The following DOCK3 variants were observed in gnomAD, a reference collection of about 807,000 sequenced individuals.
The protein encoded by DOCK3 is dedicator of cytokinesis protein 3.
A neutral mutation model predicts 265.6 loss-of-function variants in DOCK3; 60 were observed. That is an observed-to-expected ratio of 0.23 (90% CI 0.18 to 0.28). The LOEUF is 0.28. Among genes scored for constraint, DOCK3 ranks in the 10% least tolerant of loss-of-function variants. The pLI is 1.00. For synonymous variants in DOCK3, 881 were observed against 938.0 expected (o/e 0.94, Z 1.11); for missense variants, 1,981 against 2,594.3 (o/e 0.76, Z 5.14).
chr3:51,029,509 A>T (rs1196093707), intron 5 of DOCK3, among the ~76,000 whole-genome samples: 1 of 152,194 alleles, frequency 6.6e-6, no homozygotes, highest in Non-Finnish European at 1.5e-5. Context: ...GCAACAGTGC[A>T]CTGGGGAGGG....
intron 46 of DOCK3, among the ~76,000 whole-genome samples, chr3:51,358,358 A>G (rs1350818348): frequency 6.6e-6 from 1 of 152,188 alleles, no homozygotes; most frequent in Non-Finnish European, 1.5e-5. Context: ...ACAGGTTTTC[A>G]TATGTGAAGG....
At chr3:51,075,088 A>G (rs962430701) in intron 6 of DOCK3, among the ~76,000 whole-genome samples, 1 of 152,210 alleles carries the variant, frequency 6.6e-6, no homozygotes, top group Admixed American at 6.5e-5. Context: ...AATGAACTCA[A>G]GCATGCTGAT....
chr3:51,224,156 G>T (rs1232275096), intron 14 of DOCK3, among the ~76,000 whole-genome samples: 1 of 152,190 alleles, frequency 6.6e-6, no homozygotes. Context: ...AAAGAAGATG[G>T]CTTTCACACA....
chr3:50,854,369 T>A (rs1486243290), intron 3 of DOCK3, among the ~76,000 whole-genome samples: 2 of 151,846 alleles, frequency 1.3e-5, no homozygotes, highest in African/African-American at 4.8e-5. Context: ...GTTATTATAA[T>A]TACTCGCCTA....
intron 5 of DOCK3, among the ~76,000 whole-genome samples, chr3:50,971,452 T>C (rs1206008809): frequency 1.3e-5 from 2 of 152,118 alleles, no homozygotes; most frequent in Non-Finnish European, 2.9e-5. Flanking sequence ...AGACAACCTT[T>C]GTGGGGTGGT....
At chr3:50,848,790 C>T (rs1264529470) in intron 3 of DOCK3, among the ~76,000 whole-genome samples, 1 of 152,128 alleles carries the variant, frequency 6.6e-6, no homozygotes, top group East Asian at 1.9e-4. Flanking sequence ...TTTTGTATAG[C>T]ACCTCACAGG....
intron 2 of DOCK3, among the ~76,000 whole-genome samples, chr3:50,804,415 C>G (rs1022624758): frequency 1.3e-5 from 2 of 152,050 alleles, no homozygotes; most frequent in African/African-American, 4.8e-5. Context: ...TGTAGCGAGC[C>G]GAGATCACGT....
intron 4 of DOCK3, among the ~76,000 whole-genome samples, chr3:50,892,691 G>A (rs983281492): frequency 7.9e-5 from 12 of 152,224 alleles, no homozygotes; most frequent in African/African-American, 2.9e-4. Context: ...AAGAAAAGGA[G>A]TGAGAGGCTC....
At chr3:51,100,974 T>C (rs937317867) in intron 9 of DOCK3, among the ~76,000 whole-genome samples, 1 of 148,934 alleles carries the variant, frequency 6.7e-6, no homozygotes, top group Non-Finnish European at 1.5e-5. Context: ...AAAAAAAAAT[T>C]TTTTTTTTTT....
At chr3:51,239,426 T>C (rs1381188799) in intron 21 of DOCK3, among the ~76,000 whole-genome samples, 1 of 151,914 alleles carries the variant, frequency 6.6e-6, no homozygotes, top group Non-Finnish European at 1.5e-5. Flanking sequence ...GCCAGGCTGG[T>C]CTCCATCTCC....
rs2086613415 is a variant in DOCK3 at position 51,359,955 on chromosome 3, C to G, written c.4885-556C>G. Among the ~76,000 whole-genome samples the G allele has an allele frequency of 6.6e-6, 1 of 152,226 alleles. No individual in the cohort carries two copies. The highest frequency in any genetic ancestry group is 2.4e-5 in the African/African-American group (1 of 41,464). On this transcript the variant is annotated intron_variant, in intron 46 of 52. Transcript: ENST00000266037. This position sits in a 1 kb window ranked among gnomAD's most constrained non-coding sequence, Gnocchi z 4.8. ...TCAGAAGTGTCTGCCCAGAAATCTA[C>G]ATACTTAATATGAATTAATTAAGCT...
At chr3:51,039,027 G>A (rs1023161439) in intron 5 of DOCK3, among the ~76,000 whole-genome samples, 1 of 151,648 alleles carries the variant, frequency 6.6e-6, no homozygotes, top group Non-Finnish European at 1.5e-5. Flanking sequence ...ATGGAGTCTC[G>A]CTCTGTTTCC....
intron 2 of DOCK3, among the ~76,000 whole-genome samples, chr3:50,780,172 G>A (rs2041839850): frequency 6.6e-6 from 1 of 152,104 alleles, no homozygotes; most frequent in Admixed American, 6.6e-5. Context: ...ACAACTCTAA[G>A]GGAACTAAGA....
chr3:50,850,664 T>C (rs2046315033), intron 3 of DOCK3, among the ~76,000 whole-genome samples: 1 of 152,226 alleles, frequency 6.6e-6, no homozygotes, highest in Non-Finnish European at 1.5e-5. Context: ...TTTCTTTTTC[T>C]TTCTTTCCCT....
At chr3:51,092,376 C>T (rs1393004089) in intron 9 of DOCK3, among the ~76,000 whole-genome samples, 2 of 152,210 alleles carry the variant, frequency 1.3e-5, no homozygotes, top group Non-Finnish European at 1.5e-5. Flanking sequence ...TGGTTTTATG[C>T]TCACGGTGTA....
At chr3:51,333,439 G>A (rs1451144629) in intron 35 of DOCK3, among the ~76,000 whole-genome samples, 186 bp downstream of exon 35, 2 of 152,140 alleles carry the variant, frequency 1.3e-5, no homozygotes, top group Non-Finnish European at 2.9e-5. Context: ...TTTCCCAGGG[G>A]TAGGCTAGGG....
intron 2 of DOCK3, among the ~76,000 whole-genome samples, chr3:50,831,185 TTTTATTTATTTATTTATTTA>T (rs3043409): frequency 4.4e-4 from 32 of 72,036 alleles, no homozygotes; most frequent in Non-Finnish European, 8.3e-4. Flanking sequence ...CTGCAACCTG[TTTTATTTATTTATTTATTTA>T]TTTATTTATT....
chr3:51,186,152 A>G (rs970432733), intron 12 of DOCK3, among the ~76,000 whole-genome samples: 10 of 152,232 alleles, frequency 6.6e-5, no homozygotes, highest in Non-Finnish European at 1.5e-4. Flanking sequence ...TGTGCTCAAA[A>G]TGCTGATAGT....
At chr3:51,193,065 G>A (rs998989611) in intron 12 of DOCK3, among the ~76,000 whole-genome samples, 2 of 152,098 alleles carry the variant, frequency 1.3e-5, no homozygotes, top group Non-Finnish European at 2.9e-5. Flanking sequence ...GTTGTATGTG[G>A]CCTTTATTAT....
Sources: allele counts gnomAD v4.1 joint callset (sites outside exome capture counted in the v4.1 genomes callset), GRCh38; gene constraint gnomAD v4.1.1; non-coding constraint Gnocchi (gnomAD v3.1); transcripts MANE v1.5; gene names NCBI Gene and HGNC (gene_info 2026-07-23, HGNC 2026-07-21).